Variants in UNC45B observed in about 807,000 individuals in gnomAD.
UNC45B encodes the protein unc-45 myosin chaperone B, also known as protein unc-45 homolog B.
UNC45B carries 78 observed loss-of-function variants against 98.7 expected under a neutral mutation model. The ratio of observed to expected loss-of-function variants is 0.79; its 90% CI spans 0.66 to 0.95. UNC45B has a LOEUF of 0.95. Ranked by LOEUF, UNC45B falls within the 40% of genes least tolerant of loss-of-function variation. The pLI is 0.00. For synonymous variants in UNC45B, 462 were observed against 480.4 expected (o/e 0.96, Z 0.50); for missense variants, 1,225 against 1,184.9 (o/e 1.03, Z -0.50).
At position 35,186,657 on chromosome 17, in the gene UNC45B, C is replaced by A; in HGVS notation, c.*98C>A. On this transcript the variant is annotated 3_prime_UTR_variant, in exon 20 of 20. Coordinates refer to ENST00000394570, the MANE Select transcript of UNC45B (RefSeq NM_001267052.2). Reference sequence around the variant, plus strand: ...GAGTCAGGTCATCTAGGGATCATAGCAGTGACAATGAAGTCTCAATATAAA... The same window carrying A: ...GAGTCAGGTCATCTAGGGATCATAGAAGTGACAATGAAGTCTCAATATAAA... 7.2e-7 allele frequency: 1 copy of A among 1,380,686 alleles called. No homozygotes were observed. Among genetic ancestry groups the A allele is most frequent in the Admixed American group, 2.1e-5 (1 of 47,586 alleles). The allele number at this position is 1,380,686 out of a possible 1,614,324, so 85.5% of individuals were successfully genotyped here.
intron 4 of UNC45B, chr17:35,151,267 A>C (rs1048984744): frequency 4.6e-6 from 1 of 217,460 alleles, no homozygotes; most frequent in Admixed American, 6.3e-5. Flanking sequence ...GGCCTCGATC[A>C]GAAGGACTTG....
At chr17:35,149,991 G>A (rs540808752) in intron 3 of UNC45B, 57 bp from the exon 4 acceptor site, 3 of 1,500,344 alleles carry the variant, frequency 2.0e-6, no homozygotes, top group African/African-American at 1.4e-5. Context: ...GGGCAGTGGG[G>A]CTGGTGGTCT....
chr17:35,172,745 T>G (rs2092197058), intron 13 of UNC45B, among the ~76,000 whole-genome samples: 1 of 152,176 alleles, frequency 6.6e-6, no homozygotes, highest in Non-Finnish European at 1.5e-5. Context: ...GCAAACCCAA[T>G]CCATTGTTAT....
intron 8 of UNC45B, among the ~76,000 whole-genome samples, chr17:35,160,982 G>A (rs2092098681): frequency 6.6e-6 from 1 of 152,178 alleles, no homozygotes; most frequent in Non-Finnish European, 1.5e-5. Context: ...CCCTTGTTTG[G>A]TTTTTATAGA....
chr17:35,186,326 C>G lies in UNC45B; in HGVS notation c.2557C>G (p.Arg853Gly). 6.2e-7 allele frequency: 1 copy of G among 1,614,126 alleles called. No individual in the cohort carries two copies. The highest frequency in any genetic ancestry group is 8.5e-7 in the Non-Finnish European group (1 of 1,180,034). Reference sequence around the variant, plus strand: ...AACCCAGTGGTTGGAGATCCTCCAGCGGCTTTGCCTGCACGACCAGCTGTC... The same window carrying G: ...AACCCAGTGGTTGGAGATCCTCCAGGGGCTTTGCCTGCACGACCAGCTGTC... ...VTTQWLEILQ[R>G]LCLHDQLSVQ... Residue 853 changes from arginine (R) to glycine (G), a missense_variant, in exon 20 of 20, where the codon CGG becomes GGG. Transcript: ENST00000394570.
chr17:35,170,293 G>A (rs1297138462), intron 12 of UNC45B, 38 bp downstream of exon 12: 1 of 1,565,708 alleles, frequency 6.4e-7, no homozygotes, highest in East Asian at 2.3e-5. Context: ...ACAAACCTCA[G>A]GAAAGGTCTG....
chr17:35,180,503 C>G (rs1190496989), intron 17 of UNC45B, 56 bp from the exon 18 acceptor site: 2 of 1,459,142 alleles, frequency 1.4e-6, no homozygotes, highest in African/African-American at 1.4e-5. Flanking sequence ...CCAGAAAACC[C>G]CTATGGTCAC....
intron 17 of UNC45B, 37 bp from the exon 18 acceptor site, chr17:35,180,522 A>T (rs1232434384): frequency 3.2e-6 from 5 of 1,566,540 alleles, no homozygotes; most frequent in Admixed American, 1.7e-5. Flanking sequence ...ACGGCAGAAG[A>T]CTCAAGGGTC....
chr17:35,169,290 C>T (rs1282998779), intron 10 of UNC45B, among the ~76,000 whole-genome samples: 4 of 152,180 alleles, frequency 2.6e-5, no homozygotes, highest in East Asian at 1.9e-4. Flanking sequence ...CCACCCGCCT[C>T]GGCCTTCCAA....
intron 16 of UNC45B, 64 bp from the exon 17 acceptor site, chr17:35,177,431 T>C (rs2092242419): frequency 8.2e-7 from 1 of 1,222,756 alleles, no homozygotes; most frequent in African/African-American, 1.5e-5. Context: ...TGGTCACCTA[T>C]AAATGTGAGG....
intron 13 of UNC45B, among the ~76,000 whole-genome samples, chr17:35,173,125 CTTTT>C (rs11428951): frequency 1.6e-5 from 2 of 126,122 alleles, no homozygotes; most frequent in Non-Finnish European, 3.2e-5. Context: ...AATTTTTATA[CTTTT>C]TTTTTTTTTT....
At chr17:35,174,058 G>A (rs2092209052) in intron 13 of UNC45B, among the ~76,000 whole-genome samples, 184 bp from the exon 14 acceptor site, 1 of 151,868 alleles carries the variant, frequency 6.6e-6, no homozygotes, top group African/African-American at 2.4e-5. Context: ...TGGTCCGCCC[G>A]CCTCAGCCTC....
chr17:35,175,840 T>C, intron 14 of UNC45B, 128 bp from the exon 15 acceptor site: 2 of 793,864 alleles, frequency 2.5e-6, no homozygotes, highest in East Asian at 2.6e-5. Flanking sequence ...GGCACACAAG[T>C]GGCACTTTCC....
At chr17:35,174,668 A>T (rs933680142) in intron 14 of UNC45B, among the ~76,000 whole-genome samples, 1 of 151,936 alleles carries the variant, frequency 6.6e-6, no homozygotes, top group African/African-American at 2.4e-5. Context: ...AAAAAATTTT[A>T]AATTAGCCTG....
intron 4 of UNC45B, 91 bp from the exon 5 acceptor site, chr17:35,152,802 A>C: frequency 2.1e-6 from 2 of 951,926 alleles, no homozygotes; most frequent in Non-Finnish European, 3.5e-6. Flanking sequence ...CCCAGAGTAG[A>C]CACCTGATAT....
At chr17:35,153,070 G>A in intron 5 of UNC45B, 88 bp downstream of exon 5, 1 of 1,149,466 alleles carries the variant, frequency 8.7e-7, no homozygotes, top group South Asian at 1.4e-5. Flanking sequence ...GGGACCGGAG[G>A]CCTGTCTTTG....
In UNC45B at chr17:35,172,923, C is replaced by T. The variant is rs114962007; in HGVS notation, c.1831-1319C>T. On this transcript the variant is annotated intron_variant, in intron 13 of 19. Transcript: ENST00000394570. ...GAGAATCTTTGGGACTGGTTTTCTA[C>T]GGTATCAGCTCCTCAGGCTCTGTCT... Among the ~76,000 whole-genome samples, 771 of 152,256 alleles carry T rather than the reference C, an allele frequency of 5.1e-3. 2 individuals carry two copies. The highest frequency in any genetic ancestry group is 0.017 in the African/African-American group (725 of 41,540).
intron 12 of UNC45B, among the ~76,000 whole-genome samples, chr17:35,170,995 C>G (rs576020065): frequency 6.6e-6 from 1 of 152,084 alleles, no homozygotes; most frequent in East Asian, 1.9e-4. Context: ...TCACCAGGAC[C>G]GGAAAATGTC....
chr17:35,174,303 C>A lies in UNC45B; in HGVS notation c.1892C>A (p.Ala631Asp), dbSNP rs770883722. The stretch of plus-strand genomic sequence containing the variant: ...CTTCTGAAGGCGGGTGTCATCTCTG[C>A]CCTGGCTTGCATGGTGAAAGCAGAT... ...KRLLKAGVIS[A>D]LACMVKADSA... The change falls in exon 14 of 20, where the codon GCC becomes GAC. Residue 631 changes from alanine (A) to aspartate (D), a missense_variant. Ala to Asp is a moderately radical substitution (Grantham distance 126). Transcript: ENST00000394570. The A allele has an allele frequency of 6.2e-7, 1 of 1,614,214 alleles. No individual in the cohort carries two copies. The highest frequency in any genetic ancestry group is 2.2e-5 in the East Asian group (1 of 44,886).
Sources: gnomAD v4.1 joint callset for allele counts (sites outside exome capture counted in the v4.1 genomes callset) on GRCh38, gnomAD v4.1.1 for gene constraint, MANE v1.5 for transcripts, NCBI Gene and HGNC (gene_info 2026-07-23, HGNC 2026-07-21) for gene names.